The following MX2 variants were observed in gnomAD, a reference collection of about 807,000 sequenced individuals.
MX2 encodes the protein MX dynamin like GTPase 2.
In MX2, 51 loss-of-function variants were observed where a neutral mutation model predicts 74.0. The ratio of observed to expected loss-of-function variants is 0.69; its 90% CI spans 0.55 to 0.87. MX2 has a LOEUF of 0.87. Ranked by LOEUF, MX2 falls within the 40% of genes least tolerant of loss-of-function variation. MX2 has a pLI of 0.00. For synonymous variants in MX2, 369 were observed against 339.3 expected (o/e 1.09, Z -0.96); for missense variants, 832 against 908.7 (o/e 0.92, Z 1.09).
At chr21:41,369,451 T>C (rs553348931) in intron 1 of MX2, among the ~76,000 whole-genome samples, 1 of 152,222 alleles carries the variant, frequency 6.6e-6, no homozygotes, top group Non-Finnish European at 1.5e-5. Context: ...AAGATTCCAC[T>C]GCAGAGAGGG....
chr21:41,372,704 T>G (rs1198759410), intron 1 of MX2, among the ~76,000 whole-genome samples: 1 of 152,228 alleles, frequency 6.6e-6, no homozygotes, highest in Non-Finnish European at 1.5e-5. Context: ...ATAAATCCTC[T>G]GTGCTTCCGT....
At position 41,380,317 on chromosome 21, in the gene MX2, G is replaced by A. The variant is rs1364610462; in HGVS notation, c.577+166G>A. Among the ~76,000 whole-genome samples, 1 of 152,016 alleles carries A rather than the reference G, an allele frequency of 6.6e-6. No homozygotes were observed. Among genetic ancestry groups the A allele is most frequent in the South Asian group, 2.1e-4 (1 of 4,822 alleles). On this transcript the variant is annotated intron_variant, in intron 4 of 13. Transcript: ENST00000330714. This position sits in a 1 kb window ranked among gnomAD's most constrained non-coding sequence, Gnocchi z 4.3. Reference sequence around the variant, plus strand: ...TGCTGTCACCTCCACCATCCCTCCAGGTCCTTGTCCAGGTCCCCTCTCATC... The same window carrying A: ...TGCTGTCACCTCCACCATCCCTCCAAGTCCTTGTCCAGGTCCCCTCTCATC...
intron 1 of MX2, chr21:41,374,246 T>C (rs1206058855): frequency 2.6e-5 from 4 of 152,308 alleles, no homozygotes; most frequent in Non-Finnish European, 4.4e-5. Flanking sequence ...CCGGGTCCCA[T>C]GCACAGCCCT....
At chr21:41,396,665 A>G (rs1022214336) in intron 7 of MX2, among the ~76,000 whole-genome samples, 3 of 152,138 alleles carry the variant, frequency 2.0e-5, no homozygotes, top group Non-Finnish European at 4.4e-5. Flanking sequence ...AACAGCCAGC[A>G]CTCAGTAAAC....
chr21:41,405,873 T>C (rs1384709757), intron 12 of MX2, among the ~76,000 whole-genome samples: 1 of 110,298 alleles, frequency 9.1e-6, no homozygotes, highest in East Asian at 2.4e-4. Context: ...CCTGGCTAAT[T>C]TGTGTATTTT....
At position 41,390,686 on chromosome 21, in the gene MX2, A is replaced by G; in HGVS notation, c.854A>G (p.Glu285Gly). The G allele has an allele frequency of 6.2e-7, 1 of 1,614,106 alleles. No individual in the cohort carries two copies. Among genetic ancestry groups the G allele is most frequent in the Admixed American group, 1.7e-5 (1 of 60,016 alleles). The change falls in exon 6 of 14, where the codon GAA (glutamate) becomes GGA (glycine). Residue 285 changes from glutamate (E) to glycine (G), a missense_variant. Glu to Gly is a moderately conservative substitution (Grantham distance 98). Transcript: ENST00000330714. The stretch of plus-strand genomic sequence containing the variant: ...AGCATGGCCCATGAGGTGGACCCGG[A>G]AGGGGACAGGACCATCGGTAAGAGG... The part of the protein sequence containing the change: ...ALSMAHEVDP[E>G]GDRTIGILTK...
rs749653296 is a variant in MX2, at chr21:41,408,087, A to T, written c.2002A>T (p.Ile668Leu). 9.3e-6 allele frequency: 15 copies of T among 1,614,126 alleles called. 1 individual carries two copies. In the South Asian group the frequency reaches 1.3e-4, roughly 14 times the overall value. ...CTCCTTGCAGAAAGCCATGATGCAG[A>T]TACTACAGGAAAAAAATCGCTATTC... is the stretch of plus-strand genomic sequence containing the variant. ...GDSLQKAMMQILQEKNRYSWL... is the reference protein window; with the variant it reads ...GDSLQKAMMQLLQEKNRYSWL... Residue 668 changes from isoleucine (I) to leucine (L), a missense_variant, in exon 14 of 14, where the codon ATA becomes TTA. Ile to Leu is a conservative substitution (Grantham distance 5, BLOSUM62 2). Transcript: ENST00000330714.
At chr21:41,392,873 G>A (rs145408646) in intron 6 of MX2, among the ~76,000 whole-genome samples, 5,266 of 152,184 alleles carry the variant, frequency 0.035, 106 homozygotes, top group Non-Finnish European at 0.052. Context: ...GGGGGGCCAA[G>A]GCGGGCGGAT....
chr21:41,390,710 G>T lies in MX2; in HGVS notation c.871+7G>T, dbSNP rs764280813. 4 of 1,613,686 alleles carry T rather than the reference G, an allele frequency of 2.5e-6. No homozygotes were observed. Among genetic ancestry groups the T allele is most frequent in the East Asian group, 4.5e-5 (2 of 44,870 alleles). ...GAAGGGGACAGGACCATCGGTAAGA[G>T]GAAAGAACCAAGTGGCCGGGTGCGG... is the stretch of plus-strand genomic sequence containing the variant. On this transcript the variant is annotated splice_region_variant and intron_variant, in intron 6 of 13. Coordinates refer to ENST00000330714, the MANE Select transcript of MX2 (RefSeq NM_002463.2).
At chr21:41,387,103 C>T (rs192988322) in intron 5 of MX2, among the ~76,000 whole-genome samples, 11 of 152,318 alleles carry the variant, frequency 7.2e-5, no homozygotes, top group South Asian at 4.1e-4. Flanking sequence ...GCTTTCCCTT[C>T]GTATTTTTGT....
intron 8 of MX2, among the ~76,000 whole-genome samples, chr21:41,397,933 A>G (rs1429231489): frequency 1.3e-5 from 2 of 152,240 alleles, no homozygotes; most frequent in African/African-American, 4.8e-5. Context: ...AAGAGAAGGA[A>G]ACAGTTTAGC....
chr21:41,390,954 C>T (rs932471353), intron 6 of MX2, among the ~76,000 whole-genome samples: 1 of 150,810 alleles, frequency 6.6e-6, no homozygotes, highest in South Asian at 2.1e-4. Context: ...TGCAGTGAGC[C>T]GAGATCATGC....
intron 5 of MX2, among the ~76,000 whole-genome samples, chr21:41,384,510 C>T (rs184824055): frequency 3.5e-4 from 53 of 152,236 alleles, no homozygotes; most frequent in African/African-American, 1.3e-3. Flanking sequence ...TTCTAAAGGG[C>T]TTTGTTTCTC....
At chr21:41,397,589 G>A in intron 7 of MX2, 24 bp from the exon 8 acceptor site, 4 of 1,605,826 alleles carry the variant, frequency 2.5e-6, no homozygotes, top group Non-Finnish European at 3.4e-6. Context: ...CTTCCTGAAT[G>A]CATGAATGTC....
rs760314841 is a variant in MX2, at chr21:41,395,714, C to T, written c.999C>T (p.Ile333=). 10 of 1,614,200 alleles carry T rather than the reference C, an allele frequency of 6.2e-6. No homozygotes were observed. The highest frequency in any genetic ancestry group is 2.2e-5 in the South Asian group (2 of 91,080). ...TGAAGTGCCGGGGCCAGCAGGAGAT[C>T]ACAAACAGGCTGAGCTTGGCAGAGG... ...MIVKCRGQQE[I]TNRLSLAEAT... The change falls in exon 7 of 14, where the codon ATC becomes ATT. Residue 333 remains isoleucine (I), a synonymous_variant. Coordinates refer to ENST00000330714, the MANE Select transcript of MX2 (RefSeq NM_002463.2).
At position 41,380,357 on chromosome 21, in the gene MX2, C is replaced by T. The variant is rs548743655; in HGVS notation, c.577+206C>T. On this transcript the variant is annotated intron_variant, in intron 4 of 13. Transcript: ENST00000330714. This position sits in a 1 kb window ranked among gnomAD's most constrained non-coding sequence, Gnocchi z 4.3. The stretch of plus-strand genomic sequence containing the variant: ...CCCCTCTCATCGAGTCATCCCATGC[C>T]GAGGACCCTCTGGTGGCTTCCCTTA... Among the ~76,000 whole-genome samples, 51 of 152,250 alleles carry T rather than the reference C, an allele frequency of 3.3e-4. No individual in the cohort carries two copies. The highest frequency in any genetic ancestry group is 1.2e-3 in the African/African-American group (50 of 41,532).
chr21:41,408,501 G>A lies in MX2; in HGVS notation c.*268G>A. On this transcript the variant is annotated 3_prime_UTR_variant, in exon 14 of 14. Transcript: ENST00000330714. ...CACAGTTACAGTGTCCTAAGATACT[G>A]CTATCATTCTTCGCTAATTTGTATT... 4.7e-6 allele frequency: 2 copies of A among 427,658 alleles called. No homozygotes were observed. Among genetic ancestry groups the A allele is most frequent in the South Asian group, 9.5e-5 (2 of 20,954 alleles). 26.5% of individuals were successfully genotyped at this position (427,658 alleles called of 1,614,324 possible).
intron 5 of MX2, 50 bp downstream of exon 5, chr21:41,382,614 G>T (rs1307916001): frequency 1.2e-6 from 2 of 1,609,656 alleles, no homozygotes; most frequent in East Asian, 2.2e-5. Flanking sequence ...TGGGGGAAGG[G>T]TCAGAGGTCC....
chr21:41,384,610 G>A lies in MX2; in HGVS notation c.732+2046G>A, dbSNP rs376489889. Among the ~76,000 whole-genome samples, 153 of 152,274 alleles carry A rather than the reference G, an allele frequency of 1.0e-3. 4 individuals are homozygous for A. The South Asian group carries it at 0.031, about 31-fold the overall frequency. ...TCCCTAACAGTGAGTTATGATGCAC[G>A]TTGTACAGTGTGCTCAGTTACCAAG... On this transcript the variant is annotated intron_variant, in intron 5 of 13. Transcript: ENST00000330714.
Sources: allele counts gnomAD v4.1 joint callset (sites outside exome capture counted in the v4.1 genomes callset), GRCh38; gene constraint gnomAD v4.1.1; non-coding constraint Gnocchi (gnomAD v3.1); transcripts MANE v1.5; gene names NCBI Gene and HGNC (gene_info 2026-07-23, HGNC 2026-07-21).